The following TNR variants were observed in gnomAD, a reference collection of about 807,000 sequenced individuals.
TNR encodes the protein tenascin R, also known as tenascin-R.
A neutral mutation model predicts 150.4 loss-of-function variants in TNR; 45 were observed. The observed-to-expected ratio is 0.30, with a 90% CI of 0.24 to 0.38. TNR has a LOEUF of 0.38. Among genes scored for constraint, TNR ranks in the 10% least tolerant of loss-of-function variants. The pLI is 1.00. For missense variants in TNR, 1,544 were observed against 1,759.1 expected, an observed-to-expected ratio of 0.88 and a Z score of 2.19; for synonymous variants, 687 against 678.4, an observed-to-expected ratio of 1.01 and a Z score of -0.20.
At chr1:175,700,299 C>T (rs1018573269) in intron 1 of TNR, among the ~76,000 whole-genome samples, 1 of 152,134 alleles carries the variant, frequency 6.6e-6, no homozygotes, top group Non-Finnish European at 1.5e-5. Context: ...AGAAGCTTGG[C>T]CCCATGGTCA....
intron 1 of TNR, among the ~76,000 whole-genome samples, chr1:175,646,011 A>G (rs1489170693): frequency 6.6e-6 from 1 of 152,234 alleles, no homozygotes; most frequent in African/African-American, 2.4e-5. Context: ...AGACAAAGAT[A>G]ATTTTTTCCT....
chr1:175,337,383 G>T, intron 19 of TNR, 145 bp downstream of exon 19: 1 of 892,394 alleles, frequency 1.1e-6, no homozygotes, highest in Non-Finnish European at 1.7e-6. Flanking sequence ...GGGCCTTGAG[G>T]GCAATGAGGA....
intron 1 of TNR, among the ~76,000 whole-genome samples, chr1:175,614,687 T>C (rs955784787): frequency 1.3e-5 from 2 of 152,126 alleles, no homozygotes; most frequent in African/African-American, 4.8e-5. Flanking sequence ...GACCTTAGTG[T>C]CCCCCAGGGC....
At chr1:175,338,411 G>C (rs997173955) in intron 18 of TNR, among the ~76,000 whole-genome samples, 23 of 152,292 alleles carry the variant, frequency 1.5e-4, no homozygotes, top group Admixed American at 6.5e-4. Context: ...GTCTTGAAGA[G>C]CTTAGCTTCA....
intron 2 of TNR, among the ~76,000 whole-genome samples, chr1:175,510,313 C>A (rs1400198304): frequency 6.6e-6 from 1 of 152,060 alleles, no homozygotes; most frequent in Non-Finnish European, 1.5e-5. Context: ...AAATTACATC[C>A]TCATCTTCAA....
intron 18 of TNR, among the ~76,000 whole-genome samples, chr1:175,338,570 C>T (rs1053031363): frequency 6.6e-5 from 10 of 152,276 alleles, no homozygotes; most frequent in African/African-American, 2.4e-4. Flanking sequence ...ATAGTATGAT[C>T]TTCTGGGTTG....
Position 175,578,528 on chromosome 1 carries a change from G to T in TNR, c.-164-50159C>A, listed in dbSNP as rs573057206. On this transcript the variant is annotated intron_variant, in intron 1 of 22. Transcript: ENST00000367674. The stretch of plus-strand genomic sequence containing the variant: ...ATGAAAATGACATGGGCATACAGAG[G>T]GGGAGCATTACCTAGATCGATGCAG... Among the ~76,000 whole-genome samples, 3 of 152,262 alleles carry T rather than the reference G, an allele frequency of 2.0e-5. No homozygotes were observed. The South Asian group carries it at 6.2e-4, about 32-fold the overall frequency.
intron 1 of TNR, among the ~76,000 whole-genome samples, chr1:175,602,081 G>A (rs1394482922): frequency 6.6e-6 from 1 of 151,970 alleles, no homozygotes; most frequent in African/African-American, 2.4e-5. Flanking sequence ...TCCTCTGAGT[G>A]GGTTTGGAAA....
intron 2 of TNR, among the ~76,000 whole-genome samples, chr1:175,485,264 G>A (rs759886644): frequency 1.3e-5 from 2 of 152,192 alleles, no homozygotes; most frequent in Non-Finnish European, 2.9e-5. Flanking sequence ...GCATAAGGGA[G>A]CAGGCACAAG....
intron 1 of TNR, among the ~76,000 whole-genome samples, chr1:175,633,896 T>C (rs1353919862): frequency 6.6e-6 from 1 of 152,112 alleles, no homozygotes; most frequent in Non-Finnish European, 1.5e-5. Flanking sequence ...AAAAAGGCTG[T>C]GGGCTCAAGA....
chr1:175,408,633 A>G (rs1654066814), intron 2 of TNR, among the ~76,000 whole-genome samples: 1 of 152,210 alleles, frequency 6.6e-6, no homozygotes, highest in South Asian at 2.1e-4. Flanking sequence ...AGCTGTGGGA[A>G]GATCACTTAA....
intron 2 of TNR, among the ~76,000 whole-genome samples, chr1:175,496,965 G>C (rs577447132): frequency 1.9e-4 from 29 of 152,244 alleles, no homozygotes; most frequent in Admixed American, 1.4e-3. Flanking sequence ...CCTTTCCCCC[G>C]TAAGTCCTAG....
At chr1:175,692,163 G>A (rs997621323) in intron 1 of TNR, among the ~76,000 whole-genome samples, 2 of 152,206 alleles carry the variant, frequency 1.3e-5, no homozygotes, top group African/African-American at 4.8e-5. Flanking sequence ...GGGATAAAAT[G>A]AAATTAGATG....
chr1:175,362,862 A>G, intron 13 of TNR, 53 bp from the exon 14 acceptor site: 2 of 1,609,352 alleles, frequency 1.2e-6, no homozygotes, highest in Non-Finnish European at 1.7e-6. Flanking sequence ...TCATCCAAGC[A>G]GCCCATGGTA....
intron 2 of TNR, among the ~76,000 whole-genome samples, chr1:175,518,617 C>T (rs1659506627): frequency 6.6e-6 from 1 of 152,200 alleles, no homozygotes; most frequent in Non-Finnish European, 1.5e-5. Flanking sequence ...ACAATTCTCA[C>T]CTGTATCACA....
At chr1:175,572,721 T>C (rs1186224766) in intron 1 of TNR, among the ~76,000 whole-genome samples, 1 of 151,978 alleles carries the variant, frequency 6.6e-6, no homozygotes, top group Non-Finnish European at 1.5e-5. Flanking sequence ...AGAGAATATA[T>C]ATATATATAT....
At chr1:175,734,408 A>T (rs890891638) in intron 1 of TNR, among the ~76,000 whole-genome samples, 9 of 152,208 alleles carry the variant, frequency 5.9e-5, no homozygotes, top group Non-Finnish European at 1.0e-4. Flanking sequence ...AAGTCAATGG[A>T]TTTCCCCACG....
intron 1 of TNR, among the ~76,000 whole-genome samples, chr1:175,714,792 A>C (rs1415733141): frequency 6.6e-6 from 1 of 152,170 alleles, no homozygotes; most frequent in Admixed American, 6.5e-5. Context: ...CAGGCACTGG[A>C]CAATGTGCAA....
chr1:175,589,075 T>G (rs550103228), intron 1 of TNR, among the ~76,000 whole-genome samples: 1 of 152,086 alleles, frequency 6.6e-6, no homozygotes, highest in Non-Finnish European at 1.5e-5. Context: ...TTAGTCAGTG[T>G]CCACAGTAAT....
Sources: allele counts gnomAD v4.1 joint callset (sites outside exome capture counted in the v4.1 genomes callset), GRCh38; gene constraint gnomAD v4.1.1; transcripts MANE v1.5; gene names NCBI Gene and HGNC (gene_info 2026-07-23, HGNC 2026-07-21).